The following KLK9 variants were observed in gnomAD, a reference collection of about 807,000 sequenced individuals.
The protein encoded by KLK9 is kallikrein related peptidase 9, also known as kallikrein-9.
KLK9 carries 26 observed loss-of-function variants against 23.3 expected under a neutral mutation model. The ratio of observed to expected loss-of-function variants is 1.12; its 90% confidence interval spans 0.82 to 1.55. The LOEUF (loss-of-function observed/expected upper bound fraction) is 1.55. Among genes scored for constraint, KLK9 ranks in the 40% most tolerant of loss-of-function variants. The probability of loss-of-function intolerance (pLI) is 0.00; values close to 1 mark genes in which losing one functional copy is unlikely to be tolerated. For synonymous variants in KLK9, 122 were observed against 128.5 expected (o/e 0.95, Z 0.34); for missense variants, 346 against 333.7 (o/e 1.04, Z -0.29).
intron 2 of KLK9, among the ~76,000 whole-genome samples, chr19:51,007,365 G>T (rs548360765): frequency 6.6e-6 from 1 of 151,868 alleles, no homozygotes; most frequent in African/African-American, 2.4e-5. Context: ...GGATCCTTTC[G>T]GGGATGACAA....
Position 51,003,646 on chromosome 19 carries a change from C to A in KLK9, c.603+58G>T, listed in dbSNP as rs531147141. 118 of 1,505,274 alleles carry A rather than the reference C, an allele frequency of 7.8e-5. No homozygotes were observed. In the African/African-American group the frequency reaches 1.4e-3, roughly 18 times the overall value. 93.2% of individuals were successfully genotyped at this position (1,505,274 alleles called of 1,614,324 possible). A position where few individuals can be genotyped will look rare whatever the true frequency, so the allele number is the denominator to read the frequency against. On this transcript the variant is annotated intron_variant, in intron 4 of 4. Coordinates refer to ENST00000594211, the MANE Select transcript of KLK9 (RefSeq NM_012315.2). ...AGGCTGGGGGCCGACCCCTCTGCTC[C>A]CCTAAATCCTAGAAAACTTGGCAGG...
chr19:51,006,864 G>T lies in KLK9; in HGVS notation c.201-141C>A. The T allele has an allele frequency of 3.2e-6, 3 of 929,372 alleles. No homozygotes were observed. The highest frequency in any genetic ancestry group is 4.7e-6 in the Non-Finnish European group (3 of 641,808). 57.6% of individuals were successfully genotyped at this position (929,372 alleles called of 1,614,324 possible). ...CTCTGCACCCTCATCATCTATGTCT[G>T]GCCCAGGGTACTGTGATTTTAAGCG... On this transcript the variant is annotated intron_variant, in intron 2 of 4. Coordinates refer to ENST00000594211, the MANE Select transcript of KLK9 (RefSeq NM_012315.2). The surrounding 1 kb of genome is among the most constrained non-coding windows in gnomAD (Gnocchi z 4.1).
At chr19:51,005,221 G>A (rs903037430) in intron 3 of KLK9, among the ~76,000 whole-genome samples, 8 of 152,114 alleles carry the variant, frequency 5.3e-5, no homozygotes, top group African/African-American at 1.4e-4. Flanking sequence ...TCAGTGATCC[G>A]TGACTCTGAG....
In KLK9 at chr19:51,006,372, A is replaced by G; in HGVS notation, c.466+86T>C. ...ATAGACTGACAGAGAGAGAGAGGAGAGAGAAAAGGAGAAGACAGAGATGAA... is the reference window on the plus strand; with the variant it reads ...ATAGACTGACAGAGAGAGAGAGGAGGGAGAAAAGGAGAAGACAGAGATGAA... On this transcript the variant is annotated intron_variant, in intron 3 of 4. Coordinates refer to ENST00000594211, the MANE Select transcript of KLK9 (RefSeq NM_012315.2). The surrounding 1 kb of genome is among the most constrained non-coding windows in gnomAD (Gnocchi z 4.1). The G allele has an allele frequency of 2.4e-6, 3 of 1,251,142 alleles. No individual in the cohort carries two copies. Among genetic ancestry groups the G allele is most frequent in the Non-Finnish European group, 3.3e-6 (3 of 918,720 alleles). 77.5% of individuals were successfully genotyped at this position (1,251,142 alleles called of 1,614,324 possible).
chr19:51,003,358 C>T, intron 4 of KLK9, 98 bp from the exon 5 acceptor site: 1 of 1,304,792 alleles, frequency 7.7e-7, no homozygotes, highest in Non-Finnish European at 1.0e-6. Context: ...CAGCCCCTTC[C>T]TCCTCCAACA....
chr19:51,003,649 T>C, intron 4 of KLK9, 55 bp downstream of exon 4: 1 of 1,538,246 alleles, frequency 6.5e-7, no homozygotes, highest in Non-Finnish European at 8.9e-7. Context: ...TCTGCTCCCC[T>C]AAATCCTAGA....
At chr19:51,007,455 T>C (rs943988002) in intron 2 of KLK9, among the ~76,000 whole-genome samples, 4 of 151,796 alleles carry the variant, frequency 2.6e-5, no homozygotes, top group African/African-American at 9.7e-5. Context: ...ACCAGAAACA[T>C]CTGTGTCTGT....
intron 3 of KLK9, among the ~76,000 whole-genome samples, chr19:51,004,747 G>C (rs1175953020): frequency 6.6e-6 from 1 of 151,892 alleles, no homozygotes; most frequent in Non-Finnish European, 1.5e-5. Context: ...AGACCTCAAG[G>C]GGTGGAATGA....
At chr19:51,005,317 C>T (rs1297551844) in intron 3 of KLK9, among the ~76,000 whole-genome samples, 1 of 152,182 alleles carries the variant, frequency 6.6e-6, no homozygotes, top group Non-Finnish European at 1.5e-5. Flanking sequence ...CACTTGTAAT[C>T]TCAGCACTTT....
rs2091244677 is a variant in KLK9 at position 51,003,735 on chromosome 19, C to A, written c.572G>T (p.Gly191Val). The A allele has an allele frequency of 6.2e-7, 1 of 1,613,592 alleles. No homozygotes were observed. The highest frequency in any genetic ancestry group is 8.5e-7 in the Non-Finnish European group (1 of 1,179,498). The part of the protein sequence containing the change: ...GHISDSMLCA[G>V]LWEGGRGSCQ... Reference sequence around the variant, plus strand: ...GGAACCTCGGCCCCCCTCCCACAGGCCCGCACAGAGCATGCTGTCCGAGAT... The same window carrying A: ...GGAACCTCGGCCCCCCTCCCACAGGACCGCACAGAGCATGCTGTCCGAGAT... The change falls in exon 4 of 5, where the codon GGC (glycine) becomes GTC (valine). Residue 191 changes from glycine to valine, a missense_variant. Transcript: ENST00000594211.
In KLK9 at chr19:51,009,041, G is replaced by A. The variant is rs2091266185; in HGVS notation, c.200+142C>T. 2 of 927,754 alleles carry A rather than the reference G, an allele frequency of 2.2e-6. No individual in the cohort carries two copies. The highest frequency in any genetic ancestry group is 3.3e-5 in the Admixed American group (1 of 30,668). 57.5% of individuals were successfully genotyped at this position (927,754 alleles called of 1,614,324 possible). On this transcript the variant is annotated intron_variant, in intron 2 of 4. Coordinates refer to ENST00000594211, the MANE Select transcript of KLK9 (RefSeq NM_012315.2). This position sits in a 1 kb window ranked among gnomAD's most constrained non-coding sequence, Gnocchi z 4.8. ...CTGGTCTCTAGAATTTTAGGATTTG[G>A]GAGGCTACCCTTCCTACTTCTAAGA...
intron 4 of KLK9, among the ~76,000 whole-genome samples, chr19:51,003,472 C>CA (rs750962990): frequency 6.6e-6 from 1 of 152,142 alleles, no homozygotes; most frequent in Non-Finnish European, 1.5e-5. Flanking sequence ...CCCGAGGACT[C>CA]AGACTCTGGA....
chr19:51,003,187 G>GA lies in KLK9; in HGVS notation c.676dup (p.Ser226PhefsTer17). 1 of 1,584,968 alleles carries GA rather than the reference G, an allele frequency of 6.3e-7. No individual in the cohort carries two copies. The highest frequency in any genetic ancestry group is 8.6e-7 in the Non-Finnish European group (1 of 1,165,314). On this transcript the variant is annotated frameshift_variant, in exon 5 of 5. Transcript: ENST00000594211. LOFTEE classifies it low-confidence loss of function (END_TRUNC). ...GTAGACTGCGGGGCGCCGGGGTCTG[G>GA]AGCAGGGCTCAGCACCCCCAGACAC...
rs2091240641 is a variant in KLK9 at position 51,003,113 on chromosome 19, A to C, written c.751T>G (p.Ter251GlyextTer39). 4 of 1,607,430 alleles carry C rather than the reference A, an allele frequency of 2.5e-6. No individual in the cohort carries two copies. The highest frequency in any genetic ancestry group is 1.7e-5 in the Admixed American group (1 of 59,764). Reference protein sequence around the residue: ...LDWIQEIMEN* With the variant: ...LDWIQEIMENG ...AGGTGCCCCCGTGGCGCGCGGGCTC[A>C]GTTCTCCATGATTTCTTGGATCCAG... The change falls in exon 5 of 5, where the codon TGA (stop) becomes GGA (glycine). Residue 251 changes from the stop codon to glycine (G), a stop_lost. Transcript: ENST00000594211.
In KLK9 at chr19:51,002,946, G is replaced by T; in HGVS notation, c.*165C>A. On this transcript the variant is annotated 3_prime_UTR_variant, in exon 5 of 5. Transcript: ENST00000594211. ...GCGCGACTGTGTCTTGCTTGACCTC[G>T]TGAGGGGGCGGAGCCTCAGGGGCGG... The T allele has an allele frequency of 1.2e-6, 1 of 816,138 alleles. No homozygotes were observed. Among genetic ancestry groups the T allele is most frequent in the Non-Finnish European group, 1.9e-6 (1 of 530,184 alleles). The allele number at this position is 816,138 out of a possible 1,614,324, so 50.6% of individuals were successfully genotyped here.
At position 51,002,826 on chromosome 19, in the gene KLK9, C is replaced by CCACA; in HGVS notation, c.*281_*284dup. 2.8e-6 allele frequency: 1 copy of CCACA among 352,842 alleles called. No homozygotes were observed. The highest frequency in any genetic ancestry group is 5.1e-6 in the Non-Finnish European group (1 of 195,792). The allele number at this position is 352,842 out of a possible 1,614,324, so 21.9% of individuals were successfully genotyped here. A position where few individuals can be genotyped will look rare whatever the true frequency, so the allele number is the denominator to read the frequency against. On this transcript the variant is annotated 3_prime_UTR_variant, in exon 5 of 5. Coordinates refer to ENST00000594211, the MANE Select transcript of KLK9 (RefSeq NM_012315.2). ...GTGTAAGTGGTTCCTTGGGGCGGAG[C>CCACA]CACAGGCTGTGCTGTTCCAAGAAGG...
chr19:51,005,516 G>A (rs775819565), intron 3 of KLK9, among the ~76,000 whole-genome samples: 1 of 152,092 alleles, frequency 6.6e-6, no homozygotes, highest in Non-Finnish European at 1.5e-5. Context: ...AAGAAAATTG[G>A]AACAGTATGG....
At chr19:51,004,349 AAAAAAAAAAAAAAAAAAAAAAAAAAAAG>A (rs1471203076) in intron 3 of KLK9, among the ~76,000 whole-genome samples, 5 of 73,392 alleles carry the variant, frequency 6.8e-5, no homozygotes, top group Middle Eastern at 0.01. Flanking sequence ...AAAAAAAAAA[AAAAAAAAAAAAAAAAAAAAAAAAAAAAG>A]AAAGGAAGGA....
chr19:51,008,702 T>A (rs1025992277), intron 2 of KLK9, among the ~76,000 whole-genome samples: 5 of 152,220 alleles, frequency 3.3e-5, no homozygotes, highest in African/African-American at 1.2e-4. Context: ...ATTGATTACA[T>A]GTCAAAATAA....
Sources: gnomAD v4.1 joint callset for allele counts (sites outside exome capture counted in the v4.1 genomes callset) on GRCh38, gnomAD v4.1.1 for gene constraint, Gnocchi (gnomAD v3.1) non-coding constraint, MANE v1.5 for transcripts, NCBI Gene and HGNC (gene_info 2026-07-23, HGNC 2026-07-21) for gene names.